TOM1L1: variants seen among roughly 807,000 people sequenced by gnomAD.
The protein encoded by TOM1L1 is TOM1-like protein 1.
TOM1L1 carries 64 observed loss-of-function variants against 63.4 expected under a neutral mutation model. That is an observed-to-expected ratio of 1.01 (90% CI 0.83 to 1.24). The LOEUF (loss-of-function observed/expected upper bound fraction) is 1.24. Ranked by LOEUF, TOM1L1 falls within the 50% of genes most tolerant of loss-of-function variation. TOM1L1 has a pLI of 0.00. For synonymous variants in TOM1L1, 166 were observed against 194.4 expected (o/e 0.85, Z 1.22); for missense variants, 536 against 567.0 (o/e 0.95, Z 0.55).
At chr17:54,926,300 T>G (rs1218695472) in intron 7 of TOM1L1, among the ~76,000 whole-genome samples, 1 of 152,204 alleles carries the variant, frequency 6.6e-6, no homozygotes, top group Non-Finnish European at 1.5e-5. Flanking sequence ...CTAACAAGTG[T>G]TGTGATGAGT....
intron 2 of TOM1L1, among the ~76,000 whole-genome samples, chr17:54,904,440 G>C (rs1010718678): frequency 4.0e-5 from 6 of 151,358 alleles, no homozygotes; most frequent in African/African-American, 1.5e-4. Context: ...CCAGCTCCCA[G>C]TGCCAGTATT....
intron 7 of TOM1L1, among the ~76,000 whole-genome samples, chr17:54,923,424 C>T (rs189565185): frequency 6.6e-5 from 10 of 151,122 alleles, no homozygotes; most frequent in Admixed American, 2.6e-4. Context: ...TTTAATGGCC[C>T]GCTGGTAGGT....
At chr17:54,916,041 G>GT in intron 7 of TOM1L1, 179 bp downstream of exon 7, 1 of 493,698 alleles carries the variant, frequency 2.0e-6, no homozygotes, top group Non-Finnish European at 3.6e-6. Flanking sequence ...AAATGCAGTA[G>GT]TAACTTAGAC....
At chr17:54,926,126 C>T (rs1478005755) in intron 7 of TOM1L1, among the ~76,000 whole-genome samples, 1 of 152,210 alleles carries the variant, frequency 6.6e-6, no homozygotes, top group East Asian at 1.9e-4. Flanking sequence ...CTAAGAGGGT[C>T]TTGCTCTTTG....
At chr17:54,901,060 A>C in intron 1 of TOM1L1, 137 bp downstream of exon 1, 1 of 1,188,180 alleles carries the variant, frequency 8.4e-7, no homozygotes, top group Non-Finnish European at 1.2e-6. Context: ...CAACTTTCCC[A>C]AGGCACCCGC....
At position 54,914,735 on chromosome 17, in the gene TOM1L1, C is replaced by G; in HGVS notation, c.595C>G (p.Pro199Ala). ...APKNSTVTLVPEQIGKLHSEL... is the reference protein window; with the variant it reads ...APKNSTVTLVAEQIGKLHSEL... ...AAAGAACTCGACTGTTACATTGGTC[C>G]CAGAACAGGTAACAACAACAATCAT... Residue 199 changes from proline (P) to alanine (A), a missense_variant, in exon 6 of 16, where the codon CCA becomes GCA. Coordinates refer to ENST00000575882, the MANE Select transcript of TOM1L1 (RefSeq NM_005486.3). The G allele has an allele frequency of 6.2e-7, 1 of 1,608,046 alleles. No individual in the cohort carries two copies.
intron 11 of TOM1L1, among the ~76,000 whole-genome samples, chr17:54,940,876 C>T (rs1204947200): frequency 6.6e-6 from 1 of 152,042 alleles, no homozygotes; most frequent in Non-Finnish European, 1.5e-5. Flanking sequence ...GTTGAATTTG[C>T]CTTATGCCAA....
At chr17:54,902,359 G>C (rs905235564) in intron 1 of TOM1L1, among the ~76,000 whole-genome samples, 4 of 152,000 alleles carry the variant, frequency 2.6e-5, no homozygotes, top group African/African-American at 2.4e-5. Flanking sequence ...AGTAGCTCTC[G>C]GCACACTGCA....
At chr17:54,937,811 A>C (rs183868420) in intron 10 of TOM1L1, 1 of 141,094 alleles carries the variant, frequency 7.1e-6, no homozygotes, top group East Asian at 2.7e-4. Context: ...TGTTTATAAA[A>C]TGCATTGTAG....
chr17:54,908,980 T>C (rs901503166), intron 3 of TOM1L1, among the ~76,000 whole-genome samples: 2 of 152,142 alleles, frequency 1.3e-5, no homozygotes, highest in Non-Finnish European at 2.9e-5. Context: ...AATATCAGGC[T>C]GGGTGCAGTG....
At chr17:54,942,927 T>C (rs1054571582) in intron 11 of TOM1L1, among the ~76,000 whole-genome samples, 2 of 152,210 alleles carry the variant, frequency 1.3e-5, no homozygotes, top group Non-Finnish European at 2.9e-5. Flanking sequence ...AGTAGAATTA[T>C]ACAATATATC....
At chr17:54,928,055 CAAG>C (rs2048796588) in intron 7 of TOM1L1, among the ~76,000 whole-genome samples, 1 of 152,162 alleles carries the variant, frequency 6.6e-6, no homozygotes, top group Non-Finnish European at 1.5e-5. Flanking sequence ...CAGTGAGCAA[CAAG>C]AAGACCAATT....
At chr17:54,925,922 A>AACAACAACAAC in intron 7 of TOM1L1, among the ~76,000 whole-genome samples, 1 of 132,244 alleles carries the variant, frequency 7.6e-6, no homozygotes, top group South Asian at 2.4e-4. Flanking sequence ...ACAACAACAA[A>AACAACAACAAC]AAAAAAAGCA....
chr17:54,960,683 T>C, intron 15 of TOM1L1, 56 bp downstream of exon 15: 1 of 1,328,088 alleles, frequency 7.5e-7, no homozygotes, highest in South Asian at 1.2e-5. Context: ...TTCAGTATAA[T>C]TATCACTTTA....
intron 14 of TOM1L1, chr17:54,952,424 G>GC (rs1325023490): frequency 6.6e-6 from 1 of 151,822 alleles, no homozygotes; most frequent in African/African-American, 2.4e-5. Flanking sequence ...GTGCGCACCT[G>GC]TAGTCCCAGC....
chr17:54,950,658 T>C (rs754586756), intron 14 of TOM1L1, among the ~76,000 whole-genome samples: 2 of 152,226 alleles, frequency 1.3e-5, no homozygotes, highest in Non-Finnish European at 2.9e-5. Flanking sequence ...AGAACTTTAA[T>C]ATACTTTGAG....
At chr17:54,929,994 A>G (rs1468313549) in intron 7 of TOM1L1, 79 bp from the exon 8 acceptor site, 26 of 1,462,316 alleles carry the variant, frequency 1.8e-5, no homozygotes, top group Non-Finnish European at 2.4e-5. Flanking sequence ...GACTGTAGGT[A>G]TGCGCAGATT....
intron 3 of TOM1L1, among the ~76,000 whole-genome samples, chr17:54,908,839 A>G (rs1422356754): frequency 6.6e-6 from 1 of 152,226 alleles, no homozygotes; most frequent in Non-Finnish European, 1.5e-5. Context: ...CAATTAGTTA[A>G]TAGGCCTTTG....
At chr17:54,961,047 T>C (rs2077107651) in intron 15 of TOM1L1, 188 bp from the exon 16 acceptor site, 2 of 599,332 alleles carry the variant, frequency 3.3e-6, no homozygotes. Context: ...TACTATTTAA[T>C]GGTCACCAAT....
Sources: allele counts gnomAD v4.1 joint callset (sites outside exome capture counted in the v4.1 genomes callset), GRCh38; gene constraint gnomAD v4.1.1; transcripts MANE v1.5; gene names NCBI Gene and HGNC (gene_info 2026-07-23, HGNC 2026-07-21).